Variants in RPS6KA6 observed in about 807,000 individuals in gnomAD.
RPS6KA6 encodes the protein ribosomal protein S6 kinase alpha-6.
A neutral mutation model predicts 65.4 loss-of-function variants in RPS6KA6; 27 were observed. That is an observed-to-expected ratio of 0.41 (90% CI 0.30 to 0.57). The LOEUF is 0.57. Ranked by LOEUF, RPS6KA6 falls within the 20% of genes least tolerant of loss-of-function variation. The pLI is 0.24. For missense variants in RPS6KA6, 486 were observed against 555.6 expected, an observed-to-expected ratio of 0.87 and a Z score of 1.26; for synonymous variants, 190 against 184.2, an observed-to-expected ratio of 1.03 and a Z score of -0.26.
chrX:84,143,397 T>G (rs2035141868), intron 6 of RPS6KA6, among the ~76,000 whole-genome samples: 1 of 111,186 alleles, frequency 9.0e-6, no homozygotes, highest in Admixed American at 9.6e-5. Context: ...AAAAATCGGT[T>G]GTGTTTCCAT....
rs953832486 is a variant in RPS6KA6, at chrX:84,060,323, A to ATTTT, written c.*3950_*3953dup. ...CCAATATATACTTAATATGGCTTGC[A>ATTTT]TTTTTTTTTTTTTTTTTTTGAAATA... is the stretch of plus-strand genomic sequence containing the variant. On this transcript the variant is annotated 3_prime_UTR_variant, in exon 22 of 22. Transcript: ENST00000262752. The ATTTT allele has an allele frequency of 3.8e-4, 34 of 89,800 alleles. No homozygotes were observed. The Admixed American group carries it at 4.3e-3, about 11-fold the overall frequency. The allele number at this position is 89,800 out of a possible 1,213,427, so 7.4% of individuals were successfully genotyped here.
At chrX:84,186,514 G>C (rs2035929868) in intron 1 of RPS6KA6, among the ~76,000 whole-genome samples, 1 of 111,671 alleles carries the variant, frequency 9.0e-6, no homozygotes, top group Non-Finnish European at 1.9e-5. Context: ...TGGTTTACTA[G>C]TAAAATATTT....
At chrX:84,130,562 G>A (rs1471630348) in intron 8 of RPS6KA6, among the ~76,000 whole-genome samples, 1 of 111,569 alleles carries the variant, frequency 9.0e-6, no homozygotes, top group Non-Finnish European at 1.9e-5. Context: ...AAGTTTTACA[G>A]TGGCTTTATT....
chrX:84,167,766 G>A (rs922615551), intron 1 of RPS6KA6, among the ~76,000 whole-genome samples: 13 of 110,701 alleles, frequency 1.2e-4, no homozygotes, highest in African/African-American at 4.3e-4. Context: ...CTACAAAGAG[G>A]CATCACATGG....
At chrX:84,119,759 T>C (rs1208971896) in intron 9 of RPS6KA6, 126 bp downstream of exon 9, 5 of 400,872 alleles carry the variant, frequency 1.2e-5, no homozygotes, top group African/African-American at 2.6e-5. Context: ...CACAAGGTTT[T>C]TGGTGTTAAT....
rs759380141 is a variant in RPS6KA6 at position 84,104,543 on chromosome X, G to A, written c.1570C>T (p.Leu524=). ...TCAACTGTCTTACTTATTACATATA[G>A]TATATCACTAGCCTCCCGTTCCGAG... ...CFSEREASDI[L]YVISKTVDYL... is the part of the protein sequence containing the mutation. Residue 524 remains leucine, a synonymous_variant, in exon 17 of 22, where the codon CTA becomes TTA. Transcript: ENST00000262752. 2.5e-6 allele frequency: 3 copies of A among 1,183,436 alleles called. No individual in the cohort carries two copies. The South Asian group carries it at 5.7e-5, about 23-fold the overall frequency.
intron 1 of RPS6KA6, among the ~76,000 whole-genome samples, chrX:84,170,667 C>A (rs954354696): frequency 3.6e-5 from 4 of 110,500 alleles, no homozygotes; most frequent in East Asian, 2.8e-4. Flanking sequence ...CAAAAAAAAT[C>A]TATGCCTATA....
intron 20 of RPS6KA6, among the ~76,000 whole-genome samples, chrX:84,081,257 T>C (rs1452410994): frequency 2.7e-5 from 3 of 111,346 alleles, no homozygotes; most frequent in African/African-American, 9.8e-5. Context: ...AAGAATCAAA[T>C]AGACACAATA....
intron 1 of RPS6KA6, among the ~76,000 whole-genome samples, chrX:84,171,144 T>C (rs1474117779): frequency 1.8e-5 from 2 of 111,181 alleles, no homozygotes; most frequent in South Asian, 3.8e-4. Context: ...CAAGCCTCTA[T>C]ATAACAATGC....
intron 20 of RPS6KA6, among the ~76,000 whole-genome samples, chrX:84,065,649 G>C (rs2033383913): frequency 8.9e-6 from 1 of 112,015 alleles, no homozygotes; most frequent in Admixed American, 9.5e-5. Context: ...ATCAAAGTAA[G>C]TGTACGTTTG....
intron 8 of RPS6KA6, among the ~76,000 whole-genome samples, chrX:84,126,467 G>T (rs962755364): frequency 9.0e-6 from 1 of 111,100 alleles, no homozygotes; most frequent in African/African-American, 3.3e-5. Context: ...ATGAAATATC[G>T]AACTTAATCT....
chrX:84,078,634 CATAG>C (rs1286826317), intron 20 of RPS6KA6, among the ~76,000 whole-genome samples: 2 of 111,846 alleles, frequency 1.8e-5, no homozygotes, highest in Non-Finnish European at 3.8e-5. Flanking sequence ...ACTTCAACAA[CATAG>C]ATAAATCTCA....
At chrX:84,120,681 T>C (rs2034655493) in intron 8 of RPS6KA6, among the ~76,000 whole-genome samples, 1 of 111,535 alleles carries the variant, frequency 9.0e-6, no homozygotes, top group African/African-American at 3.3e-5. Flanking sequence ...AATGGGAAGT[T>C]ATACCATGTT....
At chrX:84,144,981 A>G (rs2035174223) in intron 6 of RPS6KA6, among the ~76,000 whole-genome samples, 1 of 111,266 alleles carries the variant, frequency 9.0e-6, no homozygotes, top group Non-Finnish European at 1.9e-5. Context: ...TAGTGACAGA[A>G]AGCAGATTCA....
chrX:84,187,218 T>C (rs900108962), intron 1 of RPS6KA6: 1 of 111,784 alleles, frequency 8.9e-6, no homozygotes, highest in Non-Finnish European at 1.9e-5. Context: ...GAACATCACC[T>C]GAAACCTGGC....
At chrX:84,092,205 A>G (rs2034061186) in intron 20 of RPS6KA6, among the ~76,000 whole-genome samples, 1 of 111,345 alleles carries the variant, frequency 9.0e-6, no homozygotes, top group African/African-American at 3.3e-5. Context: ...AATTATAAAA[A>G]AATTATACTT....
chrX:84,169,821 T>G (rs772604976), intron 1 of RPS6KA6, among the ~76,000 whole-genome samples: 2 of 111,120 alleles, frequency 1.8e-5, no homozygotes, highest in Non-Finnish European at 3.8e-5. Flanking sequence ...CACAATAAAT[T>G]TGACAATATT....
In RPS6KA6 at chrX:84,096,579, T is replaced by C. The variant is rs568399460; in HGVS notation, c.1854-268A>G. Among the ~76,000 whole-genome samples, 5 of 111,602 alleles carry C rather than the reference T, an allele frequency of 4.5e-5. No individual in the cohort carries two copies. The South Asian group carries it at 1.1e-3, about 25-fold the overall frequency. On this transcript the variant is annotated intron_variant, in intron 19 of 21. Coordinates refer to ENST00000262752, the MANE Select transcript of RPS6KA6 (RefSeq NM_014496.5). The stretch of plus-strand genomic sequence containing the variant: ...AATGTAAAATAAAATAAAGGTGGCT[T>C]TTCATGTAAAGCTTCAGTCTTAAAA...
At chrX:84,118,521 A>G (rs777056242) in intron 9 of RPS6KA6, among the ~76,000 whole-genome samples, 2 of 111,774 alleles carry the variant, frequency 1.8e-5, no homozygotes, top group African/African-American at 6.5e-5. Flanking sequence ...CCCAGTGGTG[A>G]GTCATTAACC....
Sources: gnomAD v4.1 joint callset for allele counts (sites outside exome capture counted in the v4.1 genomes callset) on GRCh38, gnomAD v4.1.1 for gene constraint, MANE v1.5 for transcripts, NCBI Gene and HGNC (gene_info 2026-07-23, HGNC 2026-07-21) for gene names.